Variants in CARHSP1 observed in about 807,000 individuals in gnomAD.
CARHSP1 encodes calcium-regulated heat-stable protein 1.
In CARHSP1, 14 loss-of-function variants were observed where a neutral mutation model predicts 12.5. The ratio of observed to expected loss-of-function variants is 1.12; its 90% confidence interval spans 0.74 to 1.75. The LOEUF (loss-of-function observed/expected upper bound fraction) is 1.75, where lower values mean the gene tolerates loss of function less well. CARHSP1 is among the 40% of genes most tolerant of loss of function. The probability of loss-of-function intolerance (pLI) is 0.00; values close to 1 mark genes in which losing one functional copy is unlikely to be tolerated. For missense variants in CARHSP1, 343 were observed against 201.6 expected (o/e 1.70, Z -4.25); for synonymous variants, 161 against 82.0 (o/e 1.96, Z -5.20).
chr16:8,861,825 G>C (rs2061364400), intron 1 of CARHSP1: 1 of 1,195,936 alleles, frequency 8.4e-7, no homozygotes, highest in African/African-American at 1.6e-5. Flanking sequence ...AACGCCCAGA[G>C]TTCCAGGAAA....
rs1462997895 is a variant in CARHSP1 at position 8,853,772 on chromosome 16, G to GT, written c.*1391dup. On this transcript the variant is annotated 3_prime_UTR_variant, in exon 4 of 4. Transcript: ENST00000311052. ...CACAGCAAAGATAACCTAAGGATTT[G>GT]TTTACCAGAAATACCTACAAAAAAG... is the stretch of plus-strand genomic sequence containing the variant. 6.6e-6 allele frequency: 1 copy of GT among 152,192 alleles called. No homozygotes were observed. The highest frequency in any genetic ancestry group is 1.5e-5 in the Non-Finnish European group (1 of 68,040). The allele number at this position is 152,192 out of a possible 1,614,324, so 9.4% of individuals were successfully genotyped here.
At position 8,858,940 on chromosome 16, in the gene CARHSP1, C is replaced by T. The variant is rs984308801; in HGVS notation, c.158+231G>A. 1.1e-5 allele frequency: 5 copies of T among 468,922 alleles called. No individual in the cohort carries two copies. In the Admixed American group the frequency reaches 1.1e-4, roughly 10 times the overall value. The allele number at this position is 468,922 out of a possible 1,614,324, so 29.0% of individuals were successfully genotyped here. On this transcript the variant is annotated intron_variant, in intron 2 of 3. Coordinates refer to ENST00000311052, the MANE Select transcript of CARHSP1 (RefSeq NM_014316.4). The stretch of plus-strand genomic sequence containing the variant: ...AGCCCAGCGATTCTGACCCCAGCAA[C>T]TGCCCACCCATTGCCACTCCCAGCT...
At chr16:8,865,443 A>T (rs1020244304) in intron 1 of CARHSP1, among the ~76,000 whole-genome samples, 4 of 152,190 alleles carry the variant, frequency 2.6e-5, no homozygotes, top group African/African-American at 9.7e-5. Context: ...CAGCCCCTTT[A>T]TTGAAGACAG....
intron 1 of CARHSP1, among the ~76,000 whole-genome samples, chr16:8,865,639 C>G (rs1422406932): frequency 6.6e-6 from 1 of 152,184 alleles, no homozygotes; most frequent in Non-Finnish European, 1.5e-5. Context: ...CCACTGCTGG[C>G]AGGTGTGGTG....
rs192516029 is a variant in CARHSP1 at position 8,862,693 on chromosome 16, C to T, written c.-7-3358G>A. 2.0e-5 allele frequency among the ~76,000 whole-genome samples: 3 copies of T among 152,202 alleles called. No individual in the cohort carries two copies. In the East Asian group the frequency reaches 5.8e-4, roughly 29 times the overall value. On this transcript the variant is annotated intron_variant, in intron 1 of 3. Coordinates refer to ENST00000311052, the MANE Select transcript of CARHSP1 (RefSeq NM_014316.4). ...TATAGGGAACAGCCTGTGCAAAGGC[C>T]CTGAGGGCCCGGGTGGGACTGAGGC...
intron 1 of CARHSP1, 82 bp downstream of exon 1, chr16:8,868,884 G>A (rs1314085486): frequency 1.3e-5 from 2 of 152,064 alleles, no homozygotes; most frequent in African/African-American, 2.4e-5. Flanking sequence ...GGAGGCAGAG[G>A]AGGCCGAGGC....
At chr16:8,857,154 A>C (rs1220073740) in intron 3 of CARHSP1, among the ~76,000 whole-genome samples, 1 of 151,638 alleles carries the variant, frequency 6.6e-6, no homozygotes, top group Non-Finnish European at 1.5e-5. Flanking sequence ...CCTGCTGCTC[A>C]CACACATGCA....
At chr16:8,867,788 G>A (rs2061475297) in intron 1 of CARHSP1, 1 of 152,394 alleles carries the variant, frequency 6.6e-6, no homozygotes. Context: ...AGGGCCAAAG[G>A]CCCGAAGGGA....
intron 1 of CARHSP1, chr16:8,861,785 C>T: frequency 7.9e-7 from 1 of 1,260,864 alleles, no homozygotes; most frequent in African/African-American, 1.5e-5. Flanking sequence ...CATGACCTAC[C>T]AGCACAGGTC....
At chr16:8,861,681 T>C (rs569967164) in intron 1 of CARHSP1, 1 of 1,289,044 alleles carries the variant, frequency 7.8e-7, no homozygotes, top group East Asian at 5.6e-5. Context: ...GTCCCTTCTC[T>C]CAGCTACAGC....
intron 3 of CARHSP1, among the ~76,000 whole-genome samples, chr16:8,856,827 C>T (rs568944265): frequency 6.6e-6 from 1 of 152,136 alleles, no homozygotes; most frequent in South Asian, 2.1e-4. Flanking sequence ...TAAAGGCTGC[C>T]CAGAGGATCA....
At chr16:8,860,506 G>C (rs1312086398) in intron 1 of CARHSP1, 3 of 985,366 alleles carry the variant, frequency 3.0e-6, no homozygotes, top group African/African-American at 3.5e-5. Flanking sequence ...TCAGGGGAAA[G>C]AGAAACAGTC....
chr16:8,861,907 A>G (rs1360228420), intron 1 of CARHSP1: 1 of 784,052 alleles, frequency 1.3e-6, no homozygotes, highest in African/African-American at 1.9e-5. Context: ...TGGCCTCGCA[A>G]CTCCACAGTT....
At chr16:8,855,360 CACCGGGACACAG>C (rs2061065542) in intron 3 of CARHSP1, 34 bp from the exon 4 acceptor site, 1 of 1,458,650 alleles carries the variant, frequency 6.9e-7, no homozygotes, top group African/African-American at 1.4e-5. Flanking sequence ...TCAGGGCTCA[CACCGGGACACAG>C]CTCCCTTCCC....
intron 1 of CARHSP1, chr16:8,860,468 C>T (rs571770027): frequency 2.7e-4 from 262 of 985,386 alleles, no homozygotes; most frequent in Non-Finnish European, 2.9e-4. Flanking sequence ...ATGAAGGTGT[C>T]GGCTCTAACG....
chr16:8,857,386 G>C (rs1400312700), intron 3 of CARHSP1: 2 of 138,934 alleles, frequency 1.4e-5, no homozygotes, highest in African/African-American at 5.4e-5. Context: ...GGGTTCAAGT[G>C]ATTCTCCTGC....
intron 1 of CARHSP1, chr16:8,860,631 G>T (rs1323348301): frequency 3.1e-5 from 12 of 384,380 alleles, no homozygotes; most frequent in Non-Finnish European, 3.8e-5. Context: ...GCTGGTGATG[G>T]GGGTACGAGA....
rs2061054278 is a variant in CARHSP1 at position 8,855,112 on chromosome 16, C to G, written c.*52G>C. On this transcript the variant is annotated 3_prime_UTR_variant, in exon 4 of 4. Transcript: ENST00000311052. The stretch of plus-strand genomic sequence containing the variant: ...TGTCATCTCCAGTGTCTGCTGCCTC[C>G]TCCCTGCAAAGTCTCCCACAAGCAC... 1.2e-5 allele frequency: 17 copies of G among 1,442,234 alleles called. No individual in the cohort carries two copies. The highest frequency in any genetic ancestry group is 1.5e-5 in the Non-Finnish European group (16 of 1,079,300). The allele number at this position is 1,442,234 out of a possible 1,614,324, so 89.3% of individuals were successfully genotyped here.
At position 8,859,177 on chromosome 16, in the gene CARHSP1, A is replaced by C. The variant is rs750541326; in HGVS notation, c.152T>G (p.Phe51Cys). 1 of 1,598,502 alleles carries C rather than the reference A, an allele frequency of 6.3e-7. No homozygotes were observed. Among genetic ancestry groups the C allele is most frequent in the Admixed American group, 1.7e-5 (1 of 58,910 alleles). ...SPLPTRRTRT[F>C]SATVRASQGP... The stretch of plus-strand genomic sequence containing the variant: ...CAGCCTGCTCCAGACTCACGCCGAG[A>C]AGGTCCTCGTCCGGCGAGTGGGCAG... The change falls in exon 2 of 4, where the codon TTC becomes TGC. Residue 51 changes from phenylalanine (F) to cysteine (C), a missense_variant. By Grantham distance (205) the Phe-to-Cys change is radical (BLOSUM62 -2). Transcript: ENST00000311052.
Sources: allele counts gnomAD v4.1 joint callset (sites outside exome capture counted in the v4.1 genomes callset), GRCh38; gene constraint gnomAD v4.1.1; transcripts MANE v1.5; gene names NCBI Gene and HGNC (gene_info 2026-07-23, HGNC 2026-07-21).